Variants in VRK2 observed in about 807,000 individuals in gnomAD.
The protein encoded by VRK2 is serine/threonine-protein kinase VRK2.
In VRK2, 60 loss-of-function variants were observed where a neutral mutation model predicts 57.6. The ratio of observed to expected loss-of-function variants is 1.04; its 90% CI spans 0.85 to 1.29. The LOEUF is 1.29. VRK2 is among the 50% of genes most tolerant of loss of function. The probability of loss-of-function intolerance (pLI) is 0.00; values close to 1 mark genes in which losing one functional copy is unlikely to be tolerated. For synonymous variants in VRK2, 231 were observed against 199.2 expected (o/e 1.16, Z -1.35); for missense variants, 705 against 588.1 (o/e 1.20, Z -2.06).
intron 1 of VRK2, among the ~76,000 whole-genome samples, chr2:57,924,842 G>C (rs1164028380): frequency 2.0e-5 from 3 of 151,762 alleles, no homozygotes; most frequent in African/African-American, 7.3e-5. Flanking sequence ...CTGTGGGTCT[G>C]TCATATATGG....
intron 7 of VRK2, among the ~76,000 whole-genome samples, chr2:58,101,588 G>A (rs1273952937): frequency 6.6e-6 from 1 of 150,568 alleles, no homozygotes; most frequent in African/African-American, 2.4e-5. Flanking sequence ...TTCTTTTTTT[G>A]TGACTTTTTT....
chr2:57,933,040 G>A (rs151097004), intron 1 of VRK2, among the ~76,000 whole-genome samples: 158 of 152,000 alleles, frequency 1.0e-3, no homozygotes, highest in African/African-American at 3.5e-3. Flanking sequence ...AAAGATCCTT[G>A]ATATGGTTTC....
At chr2:57,951,698 A>G (rs988351951) in intron 1 of VRK2, among the ~76,000 whole-genome samples, 1 of 152,122 alleles carries the variant, frequency 6.6e-6, no homozygotes, top group African/African-American at 2.4e-5. Context: ...TCTACCAGCA[A>G]AACAATTATG....
intron 7 of VRK2, among the ~76,000 whole-genome samples, chr2:58,091,569 A>G (rs1178857316): frequency 6.6e-6 from 1 of 152,040 alleles, no homozygotes; most frequent in Non-Finnish European, 1.5e-5. Flanking sequence ...ATTAGAAAAA[A>G]TGTAATTGAA....
At chr2:58,110,297 A>G (rs193296552) in intron 7 of VRK2, among the ~76,000 whole-genome samples, 5 of 152,208 alleles carry the variant, frequency 3.3e-5, no homozygotes. Flanking sequence ...TTTTCTTCAA[A>G]ACAGAAAGCA....
chr2:58,019,697 A>G (rs1366652966), intron 1 of VRK2, among the ~76,000 whole-genome samples: 2 of 152,210 alleles, frequency 1.3e-5, no homozygotes, highest in Non-Finnish European at 2.9e-5. Context: ...ACCAAGCTGA[A>G]TTTCTGTAGA....
intron 2 of VRK2, among the ~76,000 whole-genome samples, chr2:58,082,133 T>C (rs995390312): frequency 2.0e-5 from 3 of 151,768 alleles, no homozygotes; most frequent in Admixed American, 6.6e-5. Context: ...AGCTATCAAG[T>C]GATGACCGTA....
At chr2:58,087,792 T>G (rs1455148266) in intron 5 of VRK2, among the ~76,000 whole-genome samples, 1 of 152,070 alleles carries the variant, frequency 6.6e-6, no homozygotes, top group African/African-American at 2.4e-5. Flanking sequence ...GTCGAGACCA[T>G]CCTGGCCAAC....
intron 1 of VRK2, among the ~76,000 whole-genome samples, chr2:57,942,276 A>C (rs77115677): frequency 0.016 from 2,435 of 152,330 alleles, 65 homozygotes; most frequent in African/African-American, 0.055. Context: ...AGAACAGTGA[A>C]ATATTCGTGC....
At chr2:58,140,471 A>G (rs552530955) in intron 11 of VRK2, among the ~76,000 whole-genome samples, 1 of 152,168 alleles carries the variant, frequency 6.6e-6, no homozygotes, top group South Asian at 2.1e-4. Flanking sequence ...GCAACTCAGC[A>G]TCCATGTCTT....
At chr2:57,923,583 A>AT (rs1444122477) in intron 1 of VRK2, among the ~76,000 whole-genome samples, 35 of 150,862 alleles carry the variant, frequency 2.3e-4, no homozygotes, top group African/African-American at 7.8e-4. Flanking sequence ...AGATTATTAG[A>AT]TTTTTTCCAT....
intron 2 of VRK2, among the ~76,000 whole-genome samples, chr2:58,077,661 C>T (rs966533315): frequency 3.9e-5 from 6 of 152,050 alleles, no homozygotes; most frequent in Non-Finnish European, 7.4e-5. Flanking sequence ...GGAGACTTCT[C>T]ACTTCATCAC....
At chr2:57,917,077 T>C (rs1045261894) in intron 1 of VRK2, among the ~76,000 whole-genome samples, 1 of 152,166 alleles carries the variant, frequency 6.6e-6, no homozygotes, top group Non-Finnish European at 1.5e-5. Flanking sequence ...GGGAAACAGA[T>C]ATTATCCCCT....
intron 1 of VRK2, among the ~76,000 whole-genome samples, chr2:58,013,684 C>G (rs913499160): frequency 1.3e-5 from 2 of 151,458 alleles, no homozygotes; most frequent in African/African-American, 4.8e-5. Context: ...ACGGTGAAAC[C>G]CCGTCTCTAC....
intron 2 of VRK2, among the ~76,000 whole-genome samples, chr2:58,061,496 C>T (rs1007123249): frequency 6.6e-6 from 1 of 151,856 alleles, no homozygotes; most frequent in Non-Finnish European, 1.5e-5. Context: ...AGTGACAGAA[C>T]TTCATAATCG....
At chr2:58,025,519 T>G (rs970300742) in intron 1 of VRK2, 1 of 152,212 alleles carries the variant, frequency 6.6e-6, no homozygotes, top group Non-Finnish European at 1.5e-5. Flanking sequence ...TTTTAATCAT[T>G]TTAAGTTAAA....
chr2:58,158,589 G>C (rs1175719768), intron 12 of VRK2, among the ~76,000 whole-genome samples: 1 of 152,042 alleles, frequency 6.6e-6, no homozygotes, highest in Non-Finnish European at 1.5e-5. Context: ...TTCTAAGTTA[G>C]TTACTTGATA....
intron 2 of VRK2, among the ~76,000 whole-genome samples, chr2:58,054,087 T>A (rs1485788937): frequency 4.6e-5 from 7 of 152,130 alleles, no homozygotes; most frequent in Admixed American, 4.6e-4. Context: ...TTTGAGTTTT[T>A]AAAGAGATAG....
intron 2 of VRK2, among the ~76,000 whole-genome samples, chr2:58,081,410 G>T (rs183718739): frequency 1.3e-5 from 2 of 151,880 alleles, no homozygotes; most frequent in Admixed American, 6.6e-5. Context: ...ATTTATTCTG[G>T]TATTTTAAAT....
Sources: gnomAD v4.1 joint callset for allele counts (sites outside exome capture counted in the v4.1 genomes callset) on GRCh38, gnomAD v4.1.1 for gene constraint, MANE v1.5 for transcripts, NCBI Gene and HGNC (gene_info 2026-07-23, HGNC 2026-07-21) for gene names.